Variants in USP16 observed in about 807,000 individuals in gnomAD.
USP16 encodes the protein ubiquitin specific peptidase 16.
A neutral mutation model predicts 95.9 loss-of-function variants in USP16; 77 were observed. That is an observed-to-expected ratio of 0.80 (90% confidence interval 0.67 to 0.97). USP16 has a LOEUF of 0.97. Among genes scored for constraint, USP16 ranks in the 50% least tolerant of loss-of-function variants. The pLI is 0.00. For missense variants in USP16, 943 were observed against 959.9 expected (o/e 0.98, Z 0.23); for synonymous variants, 303 against 318.2 (o/e 0.95, Z 0.51).
At position 29,038,352 on chromosome 21, in the gene USP16, A is replaced by G. The variant is rs145151080; in HGVS notation, c.654A>G (p.Pro218=). 592 of 1,610,506 alleles carry G rather than the reference A, an allele frequency of 3.7e-4. 3 individuals carry two copies. In the South Asian group the frequency reaches 4.5e-3, roughly 12 times the overall value. ...CATTCTAGAACTTGTCACAAACACC[A>G]GTGCTTAGAGAACTACTAAAAGAAG... is the stretch of plus-strand genomic sequence containing the variant. The part of the protein sequence containing the change: ...NAVMQNLSQT[P]VLRELLKEVK... The change falls in exon 7 of 18, where the codon CCA becomes CCG. Residue 218 remains proline (P), a synonymous_variant. Coordinates refer to ENST00000399976, the MANE Select transcript of USP16 (RefSeq NM_006447.3).
Position 29,025,975 on chromosome 21 carries a change from C to T in USP16, c.-42+1198C>T, listed in dbSNP as rs537806543. Reference sequence around the variant, plus strand: ...TTCACTAGAATATGGGATAAGGGGACAAGATGACTAGAGCATACCATAAAT... The same window carrying T: ...TTCACTAGAATATGGGATAAGGGGATAAGATGACTAGAGCATACCATAAAT... On this transcript the variant is annotated intron_variant, in intron 1 of 17. Coordinates refer to ENST00000399976, the MANE Select transcript of USP16 (RefSeq NM_006447.3). 3.3e-5 allele frequency among the ~76,000 whole-genome samples: 5 copies of T among 152,266 alleles called. No individual in the cohort carries two copies. The South Asian group carries it at 8.3e-4, about 25-fold the overall frequency.
intron 1 of USP16, among the ~76,000 whole-genome samples, chr21:29,026,141 CAA>C (rs1327460274): frequency 6.6e-6 from 1 of 152,070 alleles, no homozygotes; most frequent in African/African-American, 2.4e-5. Flanking sequence ...GGGGAGGGTA[CAA>C]AGTGTTTTGG....
intron 12 of USP16, 79 bp downstream of exon 12, chr21:29,042,607 T>C: frequency 7.5e-7 from 1 of 1,334,662 alleles, no homozygotes; most frequent in Non-Finnish European, 1.0e-6. Flanking sequence ...TGTTACTCTT[T>C]TTAAGTTTGT....
intron 1 of USP16, 103 bp downstream of exon 1, chr21:29,024,880 C>G: frequency 8.7e-7 from 1 of 1,151,306 alleles, no homozygotes; most frequent in South Asian, 1.5e-5. Flanking sequence ...TTGAAGGCCG[C>G]TCTCCTTAAG....
chr21:29,037,474 A>G lies in USP16; in HGVS notation c.636+11A>G. On this transcript the variant is annotated intron_variant, in intron 6 of 17. Transcript: ENST00000399976. ...AATGCAGTTATGCAGGTACATTGTC[A>G]TTTTTTTCCCTTTAAAAAAGCTGTC... 6.6e-7 allele frequency: 1 copy of G among 1,524,430 alleles called. No homozygotes were observed. The highest frequency in any genetic ancestry group is 8.8e-7 in the Non-Finnish European group (1 of 1,139,638). 94.4% of individuals were successfully genotyped at this position (1,524,430 alleles called of 1,614,324 possible). A position where few individuals can be genotyped will look rare whatever the true frequency, so the allele number is the denominator to read the frequency against.
chr21:29,039,555 CAGA>C lies in USP16; in HGVS notation c.943_945del (p.Glu315del). ...CGCTACTTATTGGATGGGATGAGAGCAGAAGAACACCAAGTTAGCATGTTATGA... is the reference window on the plus strand; with the variant it reads ...CGCTACTTATTGGATGGGATGAGAGCAGAACACCAAGTTAGCATGTTATGA... On this transcript the variant is annotated inframe_deletion, in exon 9 of 18. Transcript: ENST00000399976. 6.2e-7 allele frequency: 1 copy of C among 1,612,634 alleles called. No individual in the cohort carries two copies. The highest frequency in any genetic ancestry group is 1.1e-5 in the South Asian group (1 of 91,000).
chr21:29,038,146 G>T (rs537731675), intron 6 of USP16, among the ~76,000 whole-genome samples, 189 bp from the exon 7 acceptor site: 1 of 152,310 alleles, frequency 6.6e-6, no homozygotes, highest in East Asian at 1.9e-4. Context: ...TGATGAATAA[G>T]CTCAGAACTG....
intron 16 of USP16, among the ~76,000 whole-genome samples, 158 bp downstream of exon 16, chr21:29,050,336 G>T (rs2085395611): frequency 6.6e-6 from 1 of 152,156 alleles, no homozygotes. Flanking sequence ...GATTAGTGAT[G>T]AATCATTTTG....
chr21:29,038,681 C>T (rs934647422), intron 7 of USP16, among the ~76,000 whole-genome samples: 5 of 152,156 alleles, frequency 3.3e-5, no homozygotes, highest in African/African-American at 1.2e-4. Context: ...GTTTGAGAAG[C>T]CTTAGGCTTA....
chr21:29,049,139 T>C (rs554066817), intron 15 of USP16, among the ~76,000 whole-genome samples: 3 of 152,332 alleles, frequency 2.0e-5, no homozygotes, highest in African/African-American at 7.2e-5. Flanking sequence ...AAAAGACTGG[T>C]GTGTTACATA....
At chr21:29,038,602 T>A (rs948764357) in intron 7 of USP16, among the ~76,000 whole-genome samples, 172 bp downstream of exon 7, 2 of 152,224 alleles carry the variant, frequency 1.3e-5, no homozygotes, top group African/African-American at 4.8e-5. Context: ...GCATTACATC[T>A]GTTTGCTGTG....
intron 3 of USP16, among the ~76,000 whole-genome samples, chr21:29,034,269 T>A (rs1393020313): frequency 1.3e-5 from 2 of 151,982 alleles, no homozygotes; most frequent in Non-Finnish European, 2.9e-5. Flanking sequence ...GCTGGAAAGT[T>A]GGACAAGAAG....
Position 29,046,952 on chromosome 21 carries a change from G to T in USP16, c.1642G>T (p.Val548Phe). Residue 548 changes from valine to phenylalanine, a missense_variant, in exon 14 of 18, where the codon GTT becomes TTT. Coordinates refer to ENST00000399976, the MANE Select transcript of USP16 (RefSeq NM_006447.3). ...TATCAACATGGATAATGATCTGGAG[G>T]TTTTAACATCTTCTCCCACTAGGAA... ...KNINMDNDLE[V>F]LTSSPTRNLN... The T allele has an allele frequency of 6.2e-7, 1 of 1,614,130 alleles. No individual in the cohort carries two copies. Among genetic ancestry groups the T allele is most frequent in the Non-Finnish European group, 8.5e-7 (1 of 1,180,014 alleles).
intron 13 of USP16, among the ~76,000 whole-genome samples, chr21:29,046,041 T>C (rs769512859): frequency 2.6e-5 from 4 of 152,112 alleles, no homozygotes; most frequent in South Asian, 2.1e-4. Flanking sequence ...CCAGGCTGGT[T>C]TCAAACTCCT....
chr21:29,034,569 A>T (rs1199338827), intron 3 of USP16, among the ~76,000 whole-genome samples: 1 of 152,112 alleles, frequency 6.6e-6, no homozygotes, highest in Non-Finnish European at 1.5e-5. Context: ...CCCTGGCCTC[A>T]GCCTCCCAAA....
At chr21:29,030,801 G>A in intron 3 of USP16, 28 bp downstream of exon 3, 1 of 1,572,870 alleles carries the variant, frequency 6.4e-7, no homozygotes, top group Non-Finnish European at 8.6e-7. Context: ...GATCAATATG[G>A]GATTTTAGAA....
At chr21:29,038,892 G>C in intron 7 of USP16, 134 bp from the exon 8 acceptor site, 3 of 822,290 alleles carry the variant, frequency 3.6e-6, no homozygotes. Flanking sequence ...TATCTCTTTT[G>C]ATGTACATTT....
intron 6 of USP16, 80 bp downstream of exon 6, chr21:29,037,543 C>A: frequency 1.8e-6 from 2 of 1,088,984 alleles, no homozygotes; most frequent in East Asian, 3.0e-5. Flanking sequence ...GAGTTTTTTC[C>A]ACCTGAGTAA....
At chr21:29,050,040 C>A (rs1044722140) in intron 15 of USP16, 52 bp from the exon 16 acceptor site, 70 of 1,542,830 alleles carry the variant, frequency 4.5e-5, no homozygotes, top group Non-Finnish European at 5.7e-5. Flanking sequence ...GTTTACTTAA[C>A]CTGTATTGCT....
Sources: gnomAD v4.1 joint callset for allele counts (sites outside exome capture counted in the v4.1 genomes callset) on GRCh38, gnomAD v4.1.1 for gene constraint, MANE v1.5 for transcripts, NCBI Gene and HGNC (gene_info 2026-07-23, HGNC 2026-07-21) for gene names.